Variants in CNTNAP5 observed in about 807,000 individuals in gnomAD.
The protein encoded by CNTNAP5 is contactin-associated protein-like 5.
Under a neutral mutation model 150.2 loss-of-function variants are expected in CNTNAP5, and 72 were observed. That is an observed-to-expected ratio of 0.48 (90% CI 0.40 to 0.58). The LOEUF is 0.58. Among genes scored for constraint, CNTNAP5 ranks in the 20% least tolerant of loss-of-function variants. The pLI is 0.00. For synonymous variants in CNTNAP5, 672 were observed against 619.8 expected (o/e 1.08, Z -1.25); for missense variants, 1,636 against 1,626.2 (o/e 1.01, Z -0.10).
chr2:124,510,303 A>ATATATCTATC (rs1694539043), intron 8 of CNTNAP5, among the ~76,000 whole-genome samples: 1 of 127,238 alleles, frequency 7.9e-6, no homozygotes, highest in African/African-American at 3.0e-5. Flanking sequence ...CTATATATCT[A>ATATATCTATC]TATATATATC....
At chr2:124,096,959 C>G (rs1682953067) in intron 1 of CNTNAP5, among the ~76,000 whole-genome samples, 1 of 152,106 alleles carries the variant, frequency 6.6e-6, no homozygotes, top group Non-Finnish European at 1.5e-5. Context: ...CTGCCTCAGC[C>G]TCCCAAAGTG....
chr2:124,174,231 A>G (rs931892100), intron 1 of CNTNAP5, among the ~76,000 whole-genome samples: 4 of 152,204 alleles, frequency 2.6e-5, no homozygotes, highest in African/African-American at 9.7e-5. Context: ...TGCTAACACA[A>G]CATCCATTCT....
chr2:124,580,071 A>C (rs1350199374), intron 11 of CNTNAP5, among the ~76,000 whole-genome samples: 1 of 152,188 alleles, frequency 6.6e-6, no homozygotes, highest in Non-Finnish European at 1.5e-5. Flanking sequence ...TCTAACTTTC[A>C]CAGAAAATAA....
intron 12 of CNTNAP5, among the ~76,000 whole-genome samples, chr2:124,643,077 A>T (rs1427907273): frequency 2.0e-5 from 3 of 152,212 alleles, no homozygotes; most frequent in South Asian, 2.1e-4. Flanking sequence ...ATGCAACTTT[A>T]AAAAAGCCAA....
intron 3 of CNTNAP5, among the ~76,000 whole-genome samples, chr2:124,252,444 A>T (rs1209373162): frequency 6.6e-6 from 1 of 152,012 alleles, no homozygotes; most frequent in Non-Finnish European, 1.5e-5. Context: ...ATGGGTGATG[A>T]CCCACCACCC....
intron 3 of CNTNAP5, among the ~76,000 whole-genome samples, chr2:124,346,878 C>T (rs1689748456): frequency 6.9e-6 from 1 of 144,396 alleles, no homozygotes. Flanking sequence ...CGAGACCATC[C>T]TGGCCAACAT....
chr2:124,781,106 C>A (rs1309641460), intron 17 of CNTNAP5, among the ~76,000 whole-genome samples: 1 of 152,154 alleles, frequency 6.6e-6, no homozygotes, highest in Non-Finnish European at 1.5e-5. Flanking sequence ...GTCCTTCATC[C>A]TTTTTTCCCC....
intron 19 of CNTNAP5, among the ~76,000 whole-genome samples, chr2:124,801,198 A>T (rs1162646418): frequency 6.6e-6 from 1 of 152,206 alleles, no homozygotes; most frequent in Non-Finnish European, 1.5e-5. Context: ...CTCTGTGGGT[A>T]ATTACTAGTC....
At chr2:124,776,689 C>T (rs576076469) in intron 17 of CNTNAP5, among the ~76,000 whole-genome samples, 10 of 152,270 alleles carry the variant, frequency 6.6e-5, no homozygotes, top group African/African-American at 2.2e-4. Flanking sequence ...TTCCATTAGG[C>T]ATGATGTCAT....
intron 19 of CNTNAP5, among the ~76,000 whole-genome samples, chr2:124,852,323 A>T (rs1218191206): frequency 6.6e-6 from 1 of 152,134 alleles, no homozygotes; most frequent in Non-Finnish European, 1.5e-5. Flanking sequence ...ATGGGACCTA[A>T]GATGTGAATA....
chr2:124,806,147 C>A (rs1558783072), intron 19 of CNTNAP5, among the ~76,000 whole-genome samples: 1 of 152,098 alleles, frequency 6.6e-6, no homozygotes, highest in African/African-American at 2.4e-5. Flanking sequence ...GATTAATATA[C>A]AATTCATCTT....
At chr2:124,696,809 C>T (rs1006433942) in intron 13 of CNTNAP5, among the ~76,000 whole-genome samples, 1 of 152,146 alleles carries the variant, frequency 6.6e-6, no homozygotes, top group Non-Finnish European at 1.5e-5. Flanking sequence ...CACACACATA[C>T]GTATCCATAA....
chr2:124,841,939 A>G (rs1682952886), intron 19 of CNTNAP5, among the ~76,000 whole-genome samples: 1 of 151,574 alleles, frequency 6.6e-6, no homozygotes, highest in African/African-American at 2.4e-5. Flanking sequence ...TACTGTCAGT[A>G]TCTGTAGTTA....
At chr2:124,252,206 G>A (rs1687197352) in intron 3 of CNTNAP5, among the ~76,000 whole-genome samples, 1 of 152,160 alleles carries the variant, frequency 6.6e-6, no homozygotes, top group South Asian at 2.1e-4. Flanking sequence ...GAATGTATGT[G>A]TGTGTATAGA....
chr2:124,197,338 T>G (rs1022119092), intron 1 of CNTNAP5, among the ~76,000 whole-genome samples: 1 of 152,256 alleles, frequency 6.6e-6, no homozygotes, highest in African/African-American at 2.4e-5. Context: ...TGTGTGATTT[T>G]AAACTTCATA....
intron 22 of CNTNAP5, among the ~76,000 whole-genome samples, chr2:124,908,796 G>T (rs2104766104): frequency 6.6e-6 from 1 of 152,218 alleles, no homozygotes; most frequent in South Asian, 2.1e-4. Context: ...ACATAAGCCT[G>T]ATCTACTGTG....
At chr2:124,318,619 TC>T (rs1046123601) in intron 3 of CNTNAP5, among the ~76,000 whole-genome samples, 3 of 152,222 alleles carry the variant, frequency 2.0e-5, no homozygotes, top group Non-Finnish European at 4.4e-5. Context: ...ACTTAGAGTT[TC>T]CCTTTAGTTT....
chr2:124,770,664 C>A (rs1681170631), intron 16 of CNTNAP5, among the ~76,000 whole-genome samples: 1 of 152,174 alleles, frequency 6.6e-6, no homozygotes. Flanking sequence ...GGGCCACCTT[C>A]ACTCTTATTT....
intron 3 of CNTNAP5, among the ~76,000 whole-genome samples, chr2:124,284,666 T>A (rs1460707474): frequency 6.6e-6 from 1 of 152,152 alleles, no homozygotes; most frequent in Non-Finnish European, 1.5e-5. Context: ...GAGCATCTTG[T>A]GTTCTCAAGA....
Sources: gnomAD v4.1 joint callset for allele counts (sites outside exome capture counted in the v4.1 genomes callset) on GRCh38, gnomAD v4.1.1 for gene constraint, MANE v1.5 for transcripts, NCBI Gene and HGNC (gene_info 2026-07-23, HGNC 2026-07-21) for gene names.